Variants in PHLPP2 observed in about 807,000 individuals in gnomAD.
PHLPP2 encodes the protein PH domain and leucine rich repeat protein phosphatase 2.
PHLPP2 carries 66 observed loss-of-function variants against 124.9 expected under a neutral mutation model. The ratio of observed to expected loss-of-function variants is 0.53; its 90% CI spans 0.43 to 0.65. PHLPP2 has a LOEUF of 0.65. Ranked by LOEUF, PHLPP2 falls within the 30% of genes least tolerant of loss-of-function variation. PHLPP2 has a pLI of 0.00. For missense variants in PHLPP2, 1,685 were observed against 1,600.4 expected, an observed-to-expected ratio of 1.05 and a Z score of -0.90; for synonymous variants, 681 against 624.7, an observed-to-expected ratio of 1.09 and a Z score of -1.34.
At chr16:71,658,059 C>T (rs568837603) in intron 15 of PHLPP2, among the ~76,000 whole-genome samples, 174 bp downstream of exon 15, 2 of 152,278 alleles carry the variant, frequency 1.3e-5, no homozygotes, top group East Asian at 3.9e-4. Context: ...AACAGGTTGA[C>T]TACTGGATAG....
intron 13 of PHLPP2, among the ~76,000 whole-genome samples, chr16:71,662,219 CAGG>C (rs2044798458): frequency 6.6e-6 from 1 of 151,862 alleles, no homozygotes; most frequent in South Asian, 2.1e-4. Flanking sequence ...ATCACGAGGC[CAGG>C]AGTTCGAGAC....
Position 71,714,557 on chromosome 16 carries a change from T to C in PHLPP2, c.239A>G (p.Glu80Gly), listed in dbSNP as rs765738767. 9 of 1,613,792 alleles carry C rather than the reference T, an allele frequency of 5.6e-6. No homozygotes were observed. The highest frequency in any genetic ancestry group is 7.6e-6 in the Non-Finnish European group (9 of 1,179,818). ...ETPASEICAG[E>G]GRESLYLQLH... is the part of the protein sequence containing the mutation. ...CTGTAAATAAAGACTTTCTCTTCCC[T>C]CTCCAGCACATATTTCTGATGCTGG... The change falls in exon 2 of 19, where the codon GAG becomes GGG. Residue 80 changes from glutamate (E) to glycine (G), a missense_variant. Glu to Gly is a moderately conservative substitution (Grantham distance 98, BLOSUM62 -2). Transcript: ENST00000568954.
At chr16:71,678,523 C>A in intron 8 of PHLPP2, 1 of 468,958 alleles carries the variant, frequency 2.1e-6, no homozygotes, top group Non-Finnish European at 3.8e-6. Flanking sequence ...ACCTGAAGTC[C>A]CAACTACTCG....
Position 71,674,290 on chromosome 16 carries a change from G to C in PHLPP2, c.1472-1968C>G, listed in dbSNP as rs192944905. Among the ~76,000 whole-genome samples the C allele has an allele frequency of 7.9e-5, 12 of 152,016 alleles. 1 individual carries two copies. The East Asian group carries it at 2.3e-3, about 29-fold the overall frequency. ...GATGGGGTTTCACCATAATAGCCAG[G>C]CTGGTCTTGAACTCCTGACCTCAGG... On this transcript the variant is annotated intron_variant, in intron 9 of 18. Transcript: ENST00000568954.
intron 13 of PHLPP2, among the ~76,000 whole-genome samples, chr16:71,659,659 C>G (rs2044772172): frequency 6.6e-6 from 1 of 152,200 alleles, no homozygotes; most frequent in African/African-American, 2.4e-5. Flanking sequence ...CAGCACTGTG[C>G]TGTGAGGCAA....
At chr16:71,720,465 A>C (rs1173942380) in intron 1 of PHLPP2, among the ~76,000 whole-genome samples, 2 of 152,224 alleles carry the variant, frequency 1.3e-5, no homozygotes, top group African/African-American at 2.4e-5. Flanking sequence ...GGCAATGATC[A>C]GTTCAAAGGT....
At chr16:71,653,555 C>T (rs1265308749) in intron 17 of PHLPP2, among the ~76,000 whole-genome samples, 17 of 152,274 alleles carry the variant, frequency 1.1e-4, no homozygotes, top group Admixed American at 9.8e-4. Flanking sequence ...AGGGCATCCA[C>T]GCGTCTGTAC....
chr16:71,650,346 C>T (rs1248803913), intron 18 of PHLPP2, among the ~76,000 whole-genome samples: 5 of 152,074 alleles, frequency 3.3e-5, no homozygotes, highest in Admixed American at 1.3e-4. Flanking sequence ...AGAAACATGA[C>T]AGAAAAACAG....
Position 71,679,751 on chromosome 16 carries a change from G to A in PHLPP2, c.891-216C>T, listed in dbSNP as rs115087601. Among the ~76,000 whole-genome samples, 956 of 152,264 alleles carry A rather than the reference G, an allele frequency of 6.3e-3. 13 individuals are homozygous for A. The highest frequency in any genetic ancestry group is 0.02 in the African/African-American group (846 of 41,538). ...CAGTCCATGTGATGAAGGAAACCACGTCTAGCATTACAGGAGCTCTCTTTT... is the reference window on the plus strand; with the variant it reads ...CAGTCCATGTGATGAAGGAAACCACATCTAGCATTACAGGAGCTCTCTTTT... On this transcript the variant is annotated intron_variant, in intron 6 of 18. Transcript: ENST00000568954.
chr16:71,722,497 T>G (rs1307269122), intron 1 of PHLPP2, among the ~76,000 whole-genome samples: 1 of 152,206 alleles, frequency 6.6e-6, no homozygotes, highest in Non-Finnish European at 1.5e-5. Context: ...TACAGAGTTC[T>G]AGTTTACGTT....
chr16:71,700,606 A>T (rs760871178), intron 3 of PHLPP2, among the ~76,000 whole-genome samples: 7 of 148,692 alleles, frequency 4.7e-5, no homozygotes, highest in Non-Finnish European at 1.0e-4. Context: ...GCTCACTGCA[A>T]GCTCTACCTC....
chr16:71,663,316 T>C (rs1038030794), intron 13 of PHLPP2, among the ~76,000 whole-genome samples: 9 of 152,232 alleles, frequency 5.9e-5, no homozygotes, highest in Non-Finnish European at 1.0e-4. Context: ...TTTCACCATA[T>C]GGGCCAGGCT....
chr16:71,653,945 C>G (rs2145306012), intron 17 of PHLPP2, among the ~76,000 whole-genome samples: 1 of 152,222 alleles, frequency 6.6e-6, no homozygotes, highest in African/African-American at 2.4e-5. Context: ...CCTGTAATCC[C>G]AGCACTTTGG....
chr16:71,672,359 T>TAA (rs765126412), intron 9 of PHLPP2, 37 bp from the exon 10 acceptor site: 3 of 1,497,484 alleles, frequency 2.0e-6, no homozygotes, highest in Non-Finnish European at 2.8e-6. Flanking sequence ...TGACATCCTC[T>TAA]AAAAAAGAAA....
intron 13 of PHLPP2, 90 bp from the exon 14 acceptor site, chr16:71,658,905 G>T: frequency 1.2e-5 from 13 of 1,127,628 alleles, no homozygotes; most frequent in Non-Finnish European, 1.7e-5. Flanking sequence ...GAGTACAGAA[G>T]GCCGACACGG....
chr16:71,656,619 G>C lies in PHLPP2; in HGVS notation c.2342C>G (p.Ser781Ter), dbSNP rs1363571204. 6.2e-7 allele frequency: 1 copy of C among 1,613,730 alleles called. No homozygotes were observed. Among genetic ancestry groups the C allele is most frequent in the South Asian group, 1.1e-5 (1 of 91,062 alleles). The change falls in exon 16 of 19, where the codon TCA becomes TGA. Residue 781 changes from serine to a stop codon, truncating the protein, a stop_gained. Transcript: ENST00000568954. LOFTEE classifies it high-confidence loss of function. ...AGCCAGTCCATGGCTCCAGAAGGTT[G>C]ACGTAACTGTAGAATCTGTGGTTGG... Reference protein sequence around the residue: ...PLPTTDSTVTSTFWSHGLAEM... With the variant: ...PLPTTDSTVT
At position 71,649,382 on chromosome 16, in the gene PHLPP2, G is replaced by A; in HGVS notation, c.3480C>T (p.Thr1160=). 1.2e-6 allele frequency: 2 copies of A among 1,613,978 alleles called. No individual in the cohort carries two copies. The highest frequency in any genetic ancestry group is 2.2e-5 in the South Asian group (2 of 91,082). ...CTTCCACCTCTACCTTGCTGCCATT[G>A]GTTATGACCCCCTCAACGGGCTGGT... ...DDDQPVEGVI[T]NGSKVEVEVD... The change falls in exon 19 of 19, where the codon ACC becomes ACT. Residue 1160 remains threonine, a synonymous_variant. Coordinates refer to ENST00000568954, the MANE Select transcript of PHLPP2 (RefSeq NM_015020.3).
At chr16:71,670,090 T>C (rs1356403747) in intron 10 of PHLPP2, among the ~76,000 whole-genome samples, 1 of 152,138 alleles carries the variant, frequency 6.6e-6, no homozygotes, top group Non-Finnish European at 1.5e-5. Context: ...TATGAAGATG[T>C]TGTACAAAGG....
intron 2 of PHLPP2, among the ~76,000 whole-genome samples, chr16:71,703,838 C>T (rs1156923988): frequency 6.6e-6 from 1 of 152,142 alleles, no homozygotes; most frequent in Non-Finnish European, 1.5e-5. Flanking sequence ...AAATATCTCA[C>T]ATGTAGTAAG....
Sources: allele counts gnomAD v4.1 joint callset (sites outside exome capture counted in the v4.1 genomes callset), GRCh38; gene constraint gnomAD v4.1.1; transcripts MANE v1.5; gene names NCBI Gene and HGNC (gene_info 2026-07-23, HGNC 2026-07-21).